Variants in DLG2 observed in about 807,000 individuals in gnomAD.
The protein encoded by DLG2 is disks large homolog 2.
Under a neutral mutation model 132.5 loss-of-function variants are expected in DLG2, and 45 were observed. That is an observed-to-expected ratio of 0.34 (90% CI 0.27 to 0.44). The LOEUF (loss-of-function observed/expected upper bound fraction) is 0.44, where lower values mean the gene tolerates loss of function less well. Among genes scored for constraint, DLG2 ranks in the 20% least tolerant of loss-of-function variants. The probability of loss-of-function intolerance (pLI) is 1.00; values close to 1 mark genes in which losing one functional copy is unlikely to be tolerated. For missense variants in DLG2, 1,045 were observed against 1,196.9 expected (o/e 0.87, Z 1.87); for synonymous variants, 424 against 419.6 (o/e 1.01, Z -0.13).
At chr11:83,862,411 G>T (rs2061594133) in intron 16 of DLG2, among the ~76,000 whole-genome samples, 1 of 152,060 alleles carries the variant, frequency 6.6e-6, no homozygotes, top group African/African-American at 2.4e-5. Flanking sequence ...TGAACTTATG[G>T]ATATAATAGA....
intron 7 of DLG2, among the ~76,000 whole-genome samples, chr11:84,391,000 T>C (rs1275592567): frequency 6.6e-6 from 1 of 152,160 alleles, no homozygotes; most frequent in East Asian, 1.9e-4. Context: ...CTGAAACTGC[T>C]TATGCTAATT....
At chr11:84,031,908 T>A (rs1320818083) in intron 11 of DLG2, among the ~76,000 whole-genome samples, 2 of 152,190 alleles carry the variant, frequency 1.3e-5, no homozygotes, top group Non-Finnish European at 2.9e-5. Context: ...TATTTCAAAA[T>A]TTTTAATGAT....
At chr11:84,663,249 A>ATATAT (rs1425202654) in intron 6 of DLG2, among the ~76,000 whole-genome samples, 1 of 102,278 alleles carries the variant, frequency 9.8e-6, no homozygotes, top group African/African-American at 4.0e-5. Flanking sequence ...ATATATATAT[A>ATATAT]TTTTTTTTTC....
At chr11:84,810,331 T>C (rs1158046854) in intron 6 of DLG2, among the ~76,000 whole-genome samples, 2 of 152,104 alleles carry the variant, frequency 1.3e-5, no homozygotes, top group African/African-American at 2.4e-5. Flanking sequence ...GAAATACAGA[T>C]TGCAACATAA....
intron 3 of DLG2, among the ~76,000 whole-genome samples, chr11:85,353,028 G>T (rs1286485940): frequency 6.6e-6 from 1 of 152,044 alleles, no homozygotes; most frequent in Non-Finnish European, 1.5e-5. Context: ...AGCAAAAGAA[G>T]CTACCATCAG....
At chr11:84,656,059 A>G (rs2099687864) in intron 6 of DLG2, among the ~76,000 whole-genome samples, 1 of 152,148 alleles carries the variant, frequency 6.6e-6, no homozygotes, top group African/African-American at 2.4e-5. Context: ...TATGTACAAG[A>G]AAGACAAAGG....
intron 18 of DLG2, among the ~76,000 whole-genome samples, chr11:83,751,015 C>G (rs1006991371): frequency 6.6e-6 from 1 of 152,026 alleles, no homozygotes; most frequent in African/African-American, 2.4e-5. Flanking sequence ...ATGAGAGAGA[C>G]AGAAAAATAT....
intron 6 of DLG2, among the ~76,000 whole-genome samples, chr11:84,714,127 G>T (rs1381207399): frequency 6.6e-6 from 1 of 151,062 alleles, no homozygotes; most frequent in African/African-American, 2.4e-5. Context: ...TTTGTTTTTT[G>T]AATTTCTGTT....
At chr11:84,211,842 T>G (rs1399819409) in intron 8 of DLG2, among the ~76,000 whole-genome samples, 1 of 152,218 alleles carries the variant, frequency 6.6e-6, no homozygotes, top group East Asian at 1.9e-4. Context: ...CTTTTTTTGC[T>G]GTGAAGATAA....
chr11:85,486,725 A>T (rs2093437388), intron 3 of DLG2, among the ~76,000 whole-genome samples: 1 of 151,788 alleles, frequency 6.6e-6, no homozygotes, highest in Non-Finnish European at 1.5e-5. Flanking sequence ...TTGCTTTACC[A>T]CTGCTACTGC....
At chr11:84,570,999 T>A (rs1335180949) in intron 6 of DLG2, among the ~76,000 whole-genome samples, 1 of 152,284 alleles carries the variant, frequency 6.6e-6, no homozygotes, top group South Asian at 2.1e-4. Context: ...AGAGAACAGT[T>A]AGCACTTCTG....
At chr11:84,287,889 G>A (rs1296127071) in intron 7 of DLG2, among the ~76,000 whole-genome samples, 1 of 151,950 alleles carries the variant, frequency 6.6e-6, no homozygotes, top group East Asian at 1.9e-4. Context: ...GAGCCAATAG[G>A]TGAACTTGGA....
chr11:83,748,942 A>G (rs1374445041), intron 18 of DLG2, among the ~76,000 whole-genome samples: 1 of 152,204 alleles, frequency 6.6e-6, no homozygotes, highest in Non-Finnish European at 1.5e-5. Flanking sequence ...TAAAAGATCA[A>G]TTTATCTCTA....
At chr11:84,876,966 G>A (rs2086445047) in intron 6 of DLG2, among the ~76,000 whole-genome samples, 1 of 152,160 alleles carries the variant, frequency 6.6e-6, no homozygotes, top group Non-Finnish European at 1.5e-5. Context: ...GGAGCAGGTT[G>A]TTCAGTTTCT....
chr11:83,683,905 T>A (rs1396722540), intron 18 of DLG2, among the ~76,000 whole-genome samples: 5 of 152,124 alleles, frequency 3.3e-5, no homozygotes, highest in Non-Finnish European at 7.4e-5. Flanking sequence ...CAGGGCTCTG[T>A]GCTGGGCTGC....
chr11:85,053,240 T>A (rs903608914), intron 6 of DLG2, among the ~76,000 whole-genome samples: 2 of 152,256 alleles, frequency 1.3e-5, no homozygotes, highest in East Asian at 1.9e-4. Context: ...TCCATAAAGG[T>A]TGATGAGGTG....
chr11:85,145,520 T>C (rs1454146763), intron 5 of DLG2, among the ~76,000 whole-genome samples: 2 of 152,184 alleles, frequency 1.3e-5, no homozygotes, highest in Non-Finnish European at 1.5e-5. Context: ...TCTTTATTAT[T>C]TTTTTCTTCT....
intron 3 of DLG2, among the ~76,000 whole-genome samples, chr11:85,493,810 G>A (rs868812077): frequency 2.0e-5 from 3 of 146,874 alleles, no homozygotes; most frequent in African/African-American, 5.1e-5. Flanking sequence ...GAGGGAAGGA[G>A]GGAGGAAGGA....
At chr11:85,545,466 C>G (rs964763923) in intron 3 of DLG2, among the ~76,000 whole-genome samples, 1 of 152,108 alleles carries the variant, frequency 6.6e-6, no homozygotes, top group Non-Finnish European at 1.5e-5. Flanking sequence ...TGTTGTGTCT[C>G]TGTGAGGTTT....
Sources: allele counts gnomAD v4.1 joint callset (sites outside exome capture counted in the v4.1 genomes callset), GRCh38; gene constraint gnomAD v4.1.1; transcripts MANE v1.5; gene names NCBI Gene and HGNC (gene_info 2026-07-23, HGNC 2026-07-21).